EBF4: variants seen among roughly 807,000 people sequenced by gnomAD.
EBF4 encodes the protein transcription factor COE4.
EBF4 carries 34 observed loss-of-function variants against 67.1 expected under a neutral mutation model. That is an observed-to-expected ratio of 0.51 (90% confidence interval 0.39 to 0.67). EBF4 has a LOEUF of 0.67. Among genes scored for constraint, EBF4 ranks in the 30% least tolerant of loss-of-function variants. EBF4 has a pLI of 0.00. For synonymous variants in EBF4, 387 were observed against 377.7 expected (o/e 1.02, Z -0.29); for missense variants, 837 against 873.3 (o/e 0.96, Z 0.52).
chr20:2,729,595 G>T (rs899471514), intron 6 of EBF4, among the ~76,000 whole-genome samples: 2 of 152,098 alleles, frequency 1.3e-5, no homozygotes, highest in African/African-American at 2.4e-5. Flanking sequence ...CATCTTGAGA[G>T]CTCCACCTAC....
chr20:2,736,698 C>T (rs1413375449), intron 6 of EBF4, among the ~76,000 whole-genome samples: 1 of 152,174 alleles, frequency 6.6e-6, no homozygotes. Context: ...ACTTCCTTCC[C>T]CATTCCCCCC....
At chr20:2,693,322 G>C (rs1334371173), upstream of EBF4, among the ~76,000 whole-genome samples, 1 of 150,106 alleles carries the variant, frequency 6.7e-6, no homozygotes, top group Non-Finnish European at 1.5e-5. The surrounding 1 kb of genome is among the most constrained non-coding windows in gnomAD (Gnocchi z 4.6). Context: ...GCGCGCCTCT[G>C]GGGCGCCTCC....
intron 1 of EBF4, among the ~76,000 whole-genome samples, chr20:2,700,106 C>G (rs2087352373): frequency 6.6e-6 from 1 of 152,228 alleles, no homozygotes; most frequent in African/African-American, 2.4e-5. Context: ...AGCTCCCTCA[C>G]CCATCCCTCT....
chr20:2,758,969 C>T, exon 16 of EBF4: 2 of 1,551,798 alleles, frequency 1.3e-6, no homozygotes, highest in South Asian at 1.2e-5. Context: ...CAGGGCCTGG[C>T]ATACTCCTAA....
intron 6 of EBF4, among the ~76,000 whole-genome samples, chr20:2,712,861 GT>G (rs1280446499): frequency 6.6e-6 from 1 of 152,148 alleles, no homozygotes; most frequent in Non-Finnish European, 1.5e-5. Flanking sequence ...AGGCATCTGT[GT>G]CCAGTGCTGC....
At chr20:2,737,833 A>T (rs937023690) in intron 6 of EBF4, among the ~76,000 whole-genome samples, 8 of 130,958 alleles carry the variant, frequency 6.1e-5, no homozygotes, top group African/African-American at 2.1e-4. Flanking sequence ...AAAAAAAAAA[A>T]TGGCACCTGT....
chr20:2,743,197 G>A (rs1489112026), intron 6 of EBF4, among the ~76,000 whole-genome samples: 3 of 152,184 alleles, frequency 2.0e-5, no homozygotes, highest in Non-Finnish European at 4.4e-5. Flanking sequence ...CTGGGCGTCA[G>A]CCAAGGGAGA....
chr20:2,747,633 G>A lies in EBF4; in HGVS notation c.558-916G>A, dbSNP rs1191409845. On this transcript the variant is annotated intron_variant, in intron 6 of 16. Transcript: ENST00000609451. The surrounding 1 kb of genome is among the most constrained non-coding windows in gnomAD (Gnocchi z 4.6). The stretch of plus-strand genomic sequence containing the variant: ...CCTATGTGTATAATGGATATAAAAT[G>A]TGTGGGAGGAGGATATGCCATGTGG... Among the ~76,000 whole-genome samples, 1 of 152,220 alleles carries A rather than the reference G, an allele frequency of 6.6e-6. No individual in the cohort carries two copies. The highest frequency in any genetic ancestry group is 1.9e-4 in the East Asian group (1 of 5,204).
Position 2,758,906 on chromosome 20 carries a change from C to T in EBF4, c.1739-3C>T. ...ATGGCTCCTTTTTCCTTGACTACTG[C>T]AGACCAGTCTTTTGAGGATTCTGAC... On this transcript the variant is annotated splice_polypyrimidine_tract_variant and splice_region_variant and intron_variant, in intron 15 of 16. Transcript: ENST00000609451. 6.4e-7 allele frequency: 1 copy of T among 1,551,738 alleles called. No homozygotes were observed. The highest frequency in any genetic ancestry group is 1.4e-5 in the African/African-American group (1 of 73,184).
intron 1 of EBF4, among the ~76,000 whole-genome samples, chr20:2,700,778 C>T (rs542393922): frequency 6.6e-6 from 1 of 152,274 alleles, no homozygotes; most frequent in East Asian, 1.9e-4. Flanking sequence ...TTGGAACTTG[C>T]ATTTCCATTC....
chr20:2,751,839 G>C lies in EBF4; in HGVS notation c.1107+51G>C. ...GGGCTGAGGGTGTCCTGTGGGCAAG[G>C]GGGTGAGGAGGGGCTCCCGAGGGCC... is the stretch of plus-strand genomic sequence containing the variant. On this transcript the variant is annotated intron_variant, in intron 11 of 16. Transcript: ENST00000609451. The surrounding 1 kb of genome is among the most constrained non-coding windows in gnomAD (Gnocchi z 5.2). 1.3e-6 allele frequency: 2 copies of C among 1,542,818 alleles called. No individual in the cohort carries two copies. The highest frequency in any genetic ancestry group is 1.8e-6 in the Non-Finnish European group (2 of 1,141,090).
chr20:2,755,622 CG>C lies in EBF4; in HGVS notation c.1541-3del, dbSNP rs1256796731. The C allele has an allele frequency of 3.5e-6, 5 of 1,439,306 alleles. No homozygotes were observed. Among genetic ancestry groups the C allele is most frequent in the Non-Finnish European group, 4.8e-6 (5 of 1,050,346 alleles). 89.2% of individuals were successfully genotyped at this position (1,439,306 alleles called of 1,614,324 possible). A position where few individuals can be genotyped will look rare whatever the true frequency, so the allele number is the denominator to read the frequency against. On this transcript the variant is annotated splice_polypyrimidine_tract_variant and splice_region_variant and intron_variant, in intron 14 of 16. Transcript: ENST00000609451. This position sits in a 1 kb window ranked among gnomAD's most constrained non-coding sequence, Gnocchi z 4.7. Reference sequence around the variant, plus strand: ...GCGCCTGCCCCTCCCCGCCCCGCCCCGGAGTCATGCCCTCTAGCCCCCCGCT... The same window carrying C: ...GCGCCTGCCCCTCCCCGCCCCGCCCCGAGTCATGCCCTCTAGCCCCCCGCT...
chr20:2,715,782 T>A (rs891102885), intron 6 of EBF4, among the ~76,000 whole-genome samples: 4 of 152,196 alleles, frequency 2.6e-5, no homozygotes, highest in Non-Finnish European at 5.9e-5. Flanking sequence ...ACAGTTGCAC[T>A]CCGTCGCCCA....
At chr20:2,706,246 C>A (rs771245630) in exon 4 of EBF4, 1 of 1,552,150 alleles carries the variant, frequency 6.4e-7, no homozygotes. Flanking sequence ...TGCGTCTCAT[C>A]GACTCCATGT....
rs558371357 is a variant in EBF4 at position 2,721,897 on chromosome 20, G to A, written c.557+12255G>A. Among the ~76,000 whole-genome samples, 5 of 151,982 alleles carry A rather than the reference G, an allele frequency of 3.3e-5. No individual in the cohort carries two copies. The South Asian group carries it at 1.0e-3, about 32-fold the overall frequency. On this transcript the variant is annotated intron_variant, in intron 6 of 16. Coordinates refer to ENST00000609451, the Ensembl canonical transcript of EBF4. Reference sequence around the variant, plus strand: ...CTCTTCCTTACAGATCTTTTTTTAAGCATCTTGGCATGCCTGGTAATGTGT... The same window carrying A: ...CTCTTCCTTACAGATCTTTTTTTAAACATCTTGGCATGCCTGGTAATGTGT...
At position 2,747,739 on chromosome 20, in the gene EBF4, C is replaced by T. The variant is rs746188640; in HGVS notation, c.558-810C>T. Among the ~76,000 whole-genome samples, 3 of 152,158 alleles carry T rather than the reference C, an allele frequency of 2.0e-5. No individual in the cohort carries two copies. In the East Asian group the frequency reaches 5.8e-4, roughly 29 times the overall value. ...TAACTATATTTTGGGTAATCATTTA[C>T]AACATAAAATGCGTATTAATGTATT... On this transcript the variant is annotated intron_variant, in intron 6 of 16. Transcript: ENST00000609451. The surrounding 1 kb of genome is among the most constrained non-coding windows in gnomAD (Gnocchi z 4.6).
At chr20:2,697,509 C>T (rs931863240) in intron 1 of EBF4, among the ~76,000 whole-genome samples, 2 of 151,212 alleles carry the variant, frequency 1.3e-5, no homozygotes, top group African/African-American at 4.9e-5. Context: ...CGCGCCACTG[C>T]ACTCCAGCCT....
Position 2,693,674 on chromosome 20 carries a change from G to A in EBF4, c.29G>A (p.Arg10His). 2.1e-6 allele frequency: 3 copies of A among 1,443,218 alleles called. No homozygotes were observed. The highest frequency in any genetic ancestry group is 3.0e-5 in the East Asian group (1 of 33,104). The allele number at this position is 1,443,218 out of a possible 1,614,324, so 89.4% of individuals were successfully genotyped here. Residue 10 changes from arginine (R) to histidine (H), a missense_variant, in exon 1 of 17, where the codon CGC (arginine) becomes CAC (histidine). Coordinates refer to ENST00000609451, the Ensembl canonical transcript of EBF4. The surrounding 1 kb of genome is among the most constrained non-coding windows in gnomAD (Gnocchi z 4.6). ...TTCCCTGCGCAGGACGCTCTGCCCC[G>A]CAGCGGGCTGAACCTGAAGGAGGAG...
At chr20:2,712,367 T>C (rs1454445005) in intron 6 of EBF4, among the ~76,000 whole-genome samples, 1 of 152,102 alleles carries the variant, frequency 6.6e-6, no homozygotes, top group Non-Finnish European at 1.5e-5. Flanking sequence ...TACATTTCAT[T>C]TCATAGGCAG....
Sources: allele counts gnomAD v4.1 joint callset (sites outside exome capture counted in the v4.1 genomes callset), GRCh38; gene constraint gnomAD v4.1.1; non-coding constraint Gnocchi (gnomAD v3.1); transcripts MANE v1.5; gene names NCBI Gene and HGNC (gene_info 2026-07-23, HGNC 2026-07-21).